PAQR9: variants seen among roughly 807,000 people sequenced by gnomAD.
PAQR9 encodes membrane progestin receptor epsilon.
A neutral mutation model predicts 24.0 loss-of-function variants in PAQR9; 12 were observed. The ratio of observed to expected loss-of-function variants is 0.50; its 90% confidence interval spans 0.32 to 0.81. The LOEUF is 0.81. Among genes scored for constraint, PAQR9 ranks in the 30% least tolerant of loss-of-function variants. PAQR9 has a pLI of 0.03. For missense variants in PAQR9, 418 were observed against 520.8 expected (o/e 0.80, Z 1.92); for synonymous variants, 266 against 237.6 (o/e 1.12, Z -1.10).
rs1934766985 is a variant in PAQR9 at position 142,954,808 on chromosome 3, C to T, written c.*7395G>A. Among the ~76,000 whole-genome samples the T allele has an allele frequency of 6.6e-6, 1 of 152,058 alleles. No individual in the cohort carries two copies. The highest frequency in any genetic ancestry group is 2.4e-5 in the African/African-American group (1 of 41,394). ...CCTATTTCTATAGATTATTTTATCA[C>T]ATAATGGAGAATTAAGATTAAGTAA... On this transcript the variant is annotated 3_prime_UTR_variant, in exon 1 of 1. Transcript: ENST00000340634.
At position 142,957,920 on chromosome 3, in the gene PAQR9, AG is replaced by A. The variant is rs1193847575; in HGVS notation, c.*4282del. Among the ~76,000 whole-genome samples the A allele has an allele frequency of 2.6e-5, 4 of 152,238 alleles. No individual in the cohort carries two copies. The highest frequency in any genetic ancestry group is 5.9e-5 in the Non-Finnish European group (4 of 68,044). On this transcript the variant is annotated 3_prime_UTR_variant, in exon 1 of 1. Coordinates refer to ENST00000340634, the MANE Select transcript of PAQR9 (RefSeq NM_198504.4). ...CTAGCAAAAAAAGAGACCCAAACTC[AG>A]GGACTTACGGCATTCTACCTACAGC...
Position 142,957,504 on chromosome 3 carries a change from A to T in PAQR9, c.*4699T>A, listed in dbSNP as rs1002268280. 1.5e-4 allele frequency among the ~76,000 whole-genome samples: 23 copies of T among 152,366 alleles called. No individual in the cohort carries two copies. The highest frequency in any genetic ancestry group is 5.3e-4 in the African/African-American group (22 of 41,586). ...CAACACAAAGATCCTAAAAGGCTAG[A>T]GAGCATTAGTTAATCTCAGTTAATT... On this transcript the variant is annotated 3_prime_UTR_variant, in exon 1 of 1. Coordinates refer to ENST00000340634, the MANE Select transcript of PAQR9 (RefSeq NM_198504.4).
chr3:142,955,449 A>T lies in PAQR9; in HGVS notation c.*6754T>A, dbSNP rs1934776918. On this transcript the variant is annotated 3_prime_UTR_variant, in exon 1 of 1. Coordinates refer to ENST00000340634, the MANE Select transcript of PAQR9 (RefSeq NM_198504.4). ...CACATGGTCTATACAAATTAAAAAA[A>T]AAAAAAAAAAAAAAAAAAAAAAAAA... 2.5e-5 allele frequency among the ~76,000 whole-genome samples: 3 copies of T among 119,802 alleles called. No homozygotes were observed. Among genetic ancestry groups the T allele is most frequent in the African/African-American group, 1.4e-4 (3 of 21,470 alleles). 78.6% of individuals were successfully genotyped at this position (119,802 alleles called of 152,430 possible).
chr3:142,962,371 G>A lies in PAQR9; in HGVS notation c.966C>T (p.Ile322=). The stretch of plus-strand genomic sequence containing the variant: ...CTTCTACGTAGTACACCTGGTCGTA[G>A]ATGCTGAGGAAGGTGAAGATGTGGA... ...QLFHIFTFLS[I]YDQVYYVEEG... is the part of the protein sequence containing the mutation. Residue 322 remains isoleucine (I), a synonymous_variant, in exon 1 of 1, where the codon ATC becomes ATT. Coordinates refer to ENST00000340634, the MANE Select transcript of PAQR9 (RefSeq NM_198504.4). 6.2e-7 allele frequency: 1 copy of A among 1,614,204 alleles called. No individual in the cohort carries two copies.
At position 142,963,348 on chromosome 3, in the gene PAQR9, C is replaced by A. The variant is rs1365394783; in HGVS notation, c.-12G>T. On this transcript the variant is annotated 5_prime_UTR_variant, in exon 1 of 1. Coordinates refer to ENST00000340634, the MANE Select transcript of PAQR9 (RefSeq NM_198504.4). ...AGGCGCCGCGGCATGGTGCCCGGGG[C>A]TCGGCTAGGGCGCGCGCAGGCGACC... is the stretch of plus-strand genomic sequence containing the variant. The A allele has an allele frequency of 3.1e-6, 4 of 1,311,024 alleles. No individual in the cohort carries two copies. In the South Asian group the frequency reaches 8.5e-5, roughly 28 times the overall value. 81.2% of individuals were successfully genotyped at this position (1,311,024 alleles called of 1,614,324 possible).
rs550604015 is a variant in PAQR9, at chr3:142,956,203, C to T, written c.*6000G>A. ...GAAGAAATGAAATTGTGTCCCCATGCTTTATCTAGAAACAAGAGTTTATTT... is the reference window on the plus strand; with the variant it reads ...GAAGAAATGAAATTGTGTCCCCATGTTTTATCTAGAAACAAGAGTTTATTT... On this transcript the variant is annotated 3_prime_UTR_variant, in exon 1 of 1. Coordinates refer to ENST00000340634, the MANE Select transcript of PAQR9 (RefSeq NM_198504.4). Among the ~76,000 whole-genome samples, 1 of 152,300 alleles carries T rather than the reference C, an allele frequency of 6.6e-6. No homozygotes were observed. The highest frequency in any genetic ancestry group is 2.1e-4 in the South Asian group (1 of 4,830).
rs746970575 is a variant in PAQR9 at position 142,962,825 on chromosome 3, G to A, written c.512C>T (p.Ala171Val). Residue 171 changes from alanine to valine, a missense_variant, in exon 1 of 1, where the codon GCC becomes GTC. Transcript: ENST00000340634. ...GCCTGGCAACAGGTAGTAGTAGTAG[G>A]CCACCGTGCTGCCGAAGCCGTAGTA... ...ISYYGFGSTV[A>V]YYYYLLPGLS... The A allele has an allele frequency of 2.5e-6, 4 of 1,613,014 alleles. No individual in the cohort carries two copies. Among genetic ancestry groups the A allele is most frequent in the Non-Finnish European group, 2.5e-6 (3 of 1,179,878 alleles).
In PAQR9 at chr3:142,957,270, T is replaced by G. The variant is rs1328316946; in HGVS notation, c.*4933A>C. 6.6e-6 allele frequency among the ~76,000 whole-genome samples: 1 copy of G among 152,198 alleles called. No individual in the cohort carries two copies. Among genetic ancestry groups the G allele is most frequent in the Non-Finnish European group, 1.5e-5 (1 of 68,032 alleles). On this transcript the variant is annotated 3_prime_UTR_variant, in exon 1 of 1. Transcript: ENST00000340634. ...ATTCCTTGCCTGTCTACTCGAACAC[T>G]AACACCCTGGGAGTTCACATGCTTT...
rs150246264 is a variant in PAQR9, at chr3:142,962,383, G to A, written c.954C>T (p.Thr318=). 1.5e-4 allele frequency: 245 copies of A among 1,614,208 alleles called. No homozygotes were observed. The African/African-American group carries it at 2.4e-3, about 16-fold the overall frequency. The change falls in exon 1 of 1, where the codon ACC becomes ACT. Residue 318 remains threonine (T), a synonymous_variant. Transcript: ENST00000340634. ...ACACCTGGTCGTAGATGCTGAGGAA[G>A]GTGAAGATGTGGAAGAGCTGGTGGC... ...GHSHQLFHIF[T]FLSIYDQVYY... is the part of the protein sequence containing the mutation.
In PAQR9 at chr3:142,957,301, G is replaced by A. The variant is rs1934804378; in HGVS notation, c.*4902C>T. On this transcript the variant is annotated 3_prime_UTR_variant, in exon 1 of 1. Transcript: ENST00000340634. ...CCTGGGAGTTCACATGCTTTTCTAA[G>A]GACAAAATTTAAAACTCAGGCTGAC... Among the ~76,000 whole-genome samples, 1 of 152,154 alleles carries A rather than the reference G, an allele frequency of 6.6e-6. No individual in the cohort carries two copies. Among genetic ancestry groups the A allele is most frequent in the Non-Finnish European group, 1.5e-5 (1 of 68,026 alleles).
chr3:142,951,604 A>G (rs890986456), downstream of PAQR9: 3 of 425,996 alleles, frequency 7.0e-6, no homozygotes, highest in Non-Finnish European at 1.4e-5. Flanking sequence ...TGGTTGGCTT[A>G]CAAACTCACT....
At chr3:142,954,118 T>G (rs1934757764), downstream of PAQR9, among the ~76,000 whole-genome samples, 1 of 152,202 alleles carries the variant, frequency 6.6e-6, no homozygotes, top group African/African-American at 2.4e-5. Context: ...ATAATTAACA[T>G]GATTTAAAGA....
chr3:142,963,143 C>T lies in PAQR9; in HGVS notation c.194G>A (p.Arg65His). The T allele has an allele frequency of 1.9e-6, 3 of 1,609,352 alleles. No individual in the cohort carries two copies. The highest frequency in any genetic ancestry group is 2.5e-6 in the Non-Finnish European group (3 of 1,177,798). ...VECFILSGYR[R>H]LPCTAQECLA... Reference sequence around the variant, plus strand: ...GCACTCCTGGGCCGTGCACGGCAGACGCCGGTAGCCCGACAGGATGAAGCA... The same window carrying T: ...GCACTCCTGGGCCGTGCACGGCAGATGCCGGTAGCCCGACAGGATGAAGCA... The change falls in exon 1 of 1, where the codon CGT becomes CAT. Residue 65 changes from arginine (R) to histidine (H), a missense_variant. Arg to His is a conservative substitution (Grantham distance 29, BLOSUM62 0). Transcript: ENST00000340634.
downstream of PAQR9, among the ~76,000 whole-genome samples, chr3:142,953,110 G>C (rs556559619): frequency 1.3e-5 from 2 of 152,150 alleles, no homozygotes; most frequent in Admixed American, 6.5e-5. Flanking sequence ...AGGCCACAGG[G>C]GGTGATGGCT....
At chr3:142,953,787 C>G (rs1327843956), downstream of PAQR9, among the ~76,000 whole-genome samples, 1 of 152,196 alleles carries the variant, frequency 6.6e-6, no homozygotes, top group Non-Finnish European at 1.5e-5. Flanking sequence ...GCACCCATAC[C>G]TTGTCTCTAG....
chr3:142,955,467 A>AAAAAAAAAAAC lies in PAQR9; in HGVS notation c.*6735_*6736insGTTTTTTTTTT, dbSNP rs1934777280. On this transcript the variant is annotated 3_prime_UTR_variant, in exon 1 of 1. Transcript: ENST00000340634. The stretch of plus-strand genomic sequence containing the variant: ...TAAAAAAAAAAAAAAAAAAAAAAAA[A>AAAAAAAAAAAC]AAAAAAAAAAGCAGCCACAGAATCC... Among the ~76,000 whole-genome samples the AAAAAAAAAAAC allele has an allele frequency of 6.8e-6, 1 of 147,584 alleles. No individual in the cohort carries two copies. Among genetic ancestry groups the AAAAAAAAAAAC allele is most frequent in the South Asian group, 2.2e-4 (1 of 4,646 alleles).
downstream of PAQR9, among the ~76,000 whole-genome samples, chr3:142,951,339 T>C (rs1311179261): frequency 6.6e-6 from 1 of 152,114 alleles, no homozygotes; most frequent in Non-Finnish European, 1.5e-5. Context: ...CTAGTGTTTC[T>C]TTTTTTGCTT....
rs531111252 is a variant in PAQR9 at position 142,955,365 on chromosome 3, T to C, written c.*6838A>G. 7.0e-6 allele frequency among the ~76,000 whole-genome samples: 1 copy of C among 142,268 alleles called. No individual in the cohort carries two copies. The highest frequency in any genetic ancestry group is 2.6e-5 in the African/African-American group (1 of 38,046). The allele number at this position is 142,268 out of a possible 152,430, so 93.3% of individuals were successfully genotyped here. ...CAAGCTGGATATGTGGAAAGTGAAG[T>C]TTCAAGGGTAGTGAAAATGGCCTGG... On this transcript the variant is annotated 3_prime_UTR_variant, in exon 1 of 1. Transcript: ENST00000340634.
chr3:142,963,192 C>T lies in PAQR9; in HGVS notation c.145G>A (p.Glu49Lys), dbSNP rs373875132. The T allele has an allele frequency of 3.8e-6, 6 of 1,581,574 alleles. No individual in the cohort carries two copies. The highest frequency in any genetic ancestry group is 5.2e-6 in the Non-Finnish European group (6 of 1,164,234). The change falls in exon 1 of 1, where the codon GAG becomes AAG. Residue 49 changes from glutamate to lysine, a missense_variant. Glu to Lys is a moderately conservative substitution (Grantham distance 56). Coordinates refer to ENST00000340634, the MANE Select transcript of PAQR9 (RefSeq NM_198504.4). ...CACTCCACGAAGTCGTCGGGCACCT[C>T]GTCCCAGCGCAGCAGCGGCTTGGCA... is the stretch of plus-strand genomic sequence containing the variant. ...ASAKPLLRWD[E>K]VPDDFVECFI...
Sources: allele counts gnomAD v4.1 joint callset (sites outside exome capture counted in the v4.1 genomes callset), GRCh38; gene constraint gnomAD v4.1.1; transcripts MANE v1.5; gene names NCBI Gene and HGNC (gene_info 2026-07-23, HGNC 2026-07-21).